LDLRAD4: variants seen among roughly 807,000 people sequenced by gnomAD.
LDLRAD4 encodes the protein low density lipoprotein receptor class A domain containing 4.
Under a neutral mutation model 17.0 loss-of-function variants are expected in LDLRAD4, and 5 were observed. The ratio of observed to expected loss-of-function variants is 0.29; its 90% CI spans 0.15 to 0.62. The LOEUF is 0.62. Among genes scored for constraint, LDLRAD4 ranks in the 20% least tolerant of loss-of-function variants. The pLI, the probability that LDLRAD4 is intolerant of heterozygous loss-of-function variation, is 0.84. For missense variants in LDLRAD4, 340 were observed against 424.7 expected, an observed-to-expected ratio of 0.80 and a Z score of 1.75; for synonymous variants, 168 against 171.8, an observed-to-expected ratio of 0.98 and a Z score of 0.17.
chr18:13,252,354 C>G (rs2145836712), intron 1 of LDLRAD4, among the ~76,000 whole-genome samples: 1 of 152,270 alleles, frequency 6.6e-6, no homozygotes, highest in Non-Finnish European at 1.5e-5. Context: ...GTCTCGAACT[C>G]CTGAGCTCAG....
At chr18:13,296,129 G>A (rs2046260011) in intron 1 of LDLRAD4, among the ~76,000 whole-genome samples, 1 of 152,260 alleles carries the variant, frequency 6.6e-6, no homozygotes, top group African/African-American at 2.4e-5. Flanking sequence ...GGTTTCACGA[G>A]TGCTGTGCCC....
intron 3 of LDLRAD4, among the ~76,000 whole-genome samples, chr18:13,598,898 G>A (rs934593492): frequency 8.5e-5 from 13 of 152,284 alleles, no homozygotes; most frequent in Non-Finnish European, 1.8e-4. Context: ...GGTAGTAGCC[G>A]CTGGTCTTTT....
intron 3 of LDLRAD4, chr18:13,612,839 G>A (rs2039728715): frequency 2.4e-5 from 39 of 1,600,890 alleles, no homozygotes; most frequent in Non-Finnish European, 3.2e-5. Flanking sequence ...GTTCTTCTTG[G>A]AGTTTGGTCT....
intron 3 of LDLRAD4, among the ~76,000 whole-genome samples, chr18:13,572,941 A>C (rs1284319506): frequency 3.3e-5 from 5 of 152,224 alleles, no homozygotes; most frequent in Non-Finnish European, 5.9e-5. Context: ...CAGTGAGGCC[A>C]GGATGTGCTT....
rs1448882669 is a variant in LDLRAD4 at position 13,335,178 on chromosome 18, A to G, written c.-382-52163A>G. Among the ~76,000 whole-genome samples, 3 of 152,054 alleles carry G rather than the reference A, an allele frequency of 2.0e-5. No homozygotes were observed. In the East Asian group the frequency reaches 5.8e-4, roughly 29 times the overall value. On this transcript the variant is annotated intron_variant, in intron 1 of 5. Coordinates refer to ENST00000359446, the Ensembl canonical transcript of LDLRAD4. ...GATATTTGTATTTTTCCTAATAGTA[A>G]CCTTTTTGATTATAACTTTAGGGAA...
chr18:13,468,279 G>A (rs972479295), intron 3 of LDLRAD4, among the ~76,000 whole-genome samples: 1 of 152,204 alleles, frequency 6.6e-6, no homozygotes, highest in African/African-American at 2.4e-5. Context: ...ATAAAGGACT[G>A]CAAATCAAAA....
At chr18:13,454,903 T>G (rs1282120626) in intron 3 of LDLRAD4, among the ~76,000 whole-genome samples, 1 of 152,254 alleles carries the variant, frequency 6.6e-6, no homozygotes, top group African/African-American at 2.4e-5. Flanking sequence ...GGCATCCCAC[T>G]TGGCTGCGCA....
intron 3 of LDLRAD4, among the ~76,000 whole-genome samples, chr18:13,532,336 G>C (rs1045920024): frequency 2.0e-5 from 3 of 152,192 alleles, no homozygotes; most frequent in South Asian, 2.1e-4. Context: ...CTGAAACTTC[G>C]GTGGTAGTAT....
intron 3 of LDLRAD4, among the ~76,000 whole-genome samples, chr18:13,530,327 T>C (rs577924782): frequency 6.6e-6 from 1 of 152,336 alleles, no homozygotes; most frequent in East Asian, 1.9e-4. Context: ...TTCTAAAAGA[T>C]GGCCTCCTCC....
chr18:13,479,615 C>A (rs1022598640), intron 3 of LDLRAD4, among the ~76,000 whole-genome samples: 2 of 146,078 alleles, frequency 1.4e-5, no homozygotes, highest in African/African-American at 4.9e-5. Context: ...AGTGAGACTC[C>A]ATCTAAAAAA....
At chr18:13,322,589 T>C (rs527436992) in intron 1 of LDLRAD4, among the ~76,000 whole-genome samples, 1 of 151,654 alleles carries the variant, frequency 6.6e-6, no homozygotes, top group African/African-American at 2.4e-5. Context: ...CGTGAGCCAC[T>C]ACACCTCGCC....
At chr18:13,423,256 G>A (rs1056796420) in intron 2 of LDLRAD4, among the ~76,000 whole-genome samples, 1 of 151,978 alleles carries the variant, frequency 6.6e-6, no homozygotes, top group Non-Finnish European at 1.5e-5. Flanking sequence ...ACTTTGGGAG[G>A]CTGAGGAGGG....
rs187016080 is a variant in LDLRAD4, at chr18:13,304,532, C to T, written c.-383+26344C>T. 1.2e-4 allele frequency among the ~76,000 whole-genome samples: 19 copies of T among 152,216 alleles called. No homozygotes were observed. In the East Asian group the frequency reaches 3.5e-3, roughly 28 times the overall value. ...TCGCAGCACAGGCTGTGGGGCAGGC[C>T]ACCTGGAAGCTGCTGGGGAGGGCTG... On this transcript the variant is annotated intron_variant, in intron 1 of 5. Transcript: ENST00000359446.
rs976678622 is a variant in LDLRAD4 at position 13,571,844 on chromosome 18, A to C, written c.182-49273A>C. On this transcript the variant is annotated intron_variant, in intron 3 of 5. Coordinates refer to ENST00000359446, the Ensembl canonical transcript of LDLRAD4. ...GTAGAGACGAGGTTTCACCGTGTTA[A>C]CCAGGATGGTCTGGATCTCCTGACC... is the stretch of plus-strand genomic sequence containing the variant. 2.0e-5 allele frequency among the ~76,000 whole-genome samples: 3 copies of C among 151,978 alleles called. No homozygotes were observed. The East Asian group carries it at 5.8e-4, about 29-fold the overall frequency.
chr18:13,483,949 C>A (rs1300206435), intron 3 of LDLRAD4: 1 of 152,604 alleles, frequency 6.6e-6, no homozygotes, highest in Non-Finnish European at 1.5e-5. Flanking sequence ...CAGCTCAAGA[C>A]CCCTGGGCCC....
At chr18:13,437,502 A>C (rs79441405) in intron 2 of LDLRAD4, among the ~76,000 whole-genome samples, 133 of 152,348 alleles carry the variant, frequency 8.7e-4, no homozygotes, top group African/African-American at 3.2e-3. Context: ...TACAAAACTG[A>C]ATTCCATTTT....
intron 1 of LDLRAD4, among the ~76,000 whole-genome samples, chr18:13,258,040 C>A (rs144045585): frequency 3.9e-4 from 59 of 152,232 alleles, no homozygotes; most frequent in Non-Finnish European, 7.8e-4. Context: ...CAGAGCAAAA[C>A]CCTATCTTAA....
intron 2 of LDLRAD4, among the ~76,000 whole-genome samples, chr18:13,429,131 G>A (rs964132879): frequency 6.6e-6 from 1 of 152,104 alleles, no homozygotes; most frequent in Non-Finnish European, 1.5e-5. Context: ...CATGTGCGTC[G>A]GGACATGGGA....
At chr18:13,477,184 T>C (rs2146879199) in intron 3 of LDLRAD4, among the ~76,000 whole-genome samples, 2 of 152,284 alleles carry the variant, frequency 1.3e-5, no homozygotes, top group African/African-American at 4.8e-5. Flanking sequence ...CTTTTAGGCC[T>C]CACTTTATCT....
Sources: allele counts gnomAD v4.1 joint callset (sites outside exome capture counted in the v4.1 genomes callset), GRCh38; gene constraint gnomAD v4.1.1; transcripts MANE v1.5; gene names NCBI Gene and HGNC (gene_info 2026-07-23, HGNC 2026-07-21).